The following CCDC91 variants were observed in gnomAD, a reference collection of about 807,000 sequenced individuals.
The protein encoded by CCDC91 is coiled-coil domain containing 91, also known as coiled-coil domain-containing protein 91.
CCDC91 carries 48 observed loss-of-function variants against 63.2 expected under a neutral mutation model. The ratio of observed to expected loss-of-function variants is 0.76; its 90% CI spans 0.60 to 0.97. CCDC91 has a LOEUF of 0.97. CCDC91 is among the 50% of genes least tolerant of loss of function. CCDC91 has a pLI of 0.00. For synonymous variants in CCDC91, 167 were observed against 165.8 expected, an observed-to-expected ratio of 1.01 and a Z score of -0.06; for missense variants, 500 against 494.6, an observed-to-expected ratio of 1.01 and a Z score of -0.10.
chr12:28,389,072 C>A (rs1288100833), intron 7 of CCDC91, among the ~76,000 whole-genome samples: 1 of 152,160 alleles, frequency 6.6e-6, no homozygotes, highest in African/African-American at 2.4e-5. Flanking sequence ...AGACGACCCA[C>A]AGAGTGGGAG....
At position 28,307,794 on chromosome 12, in the gene CCDC91, A is replaced by G. The variant is rs137877232; in HGVS notation, c.576+45A>G. On this transcript the variant is annotated intron_variant, in intron 6 of 12. Transcript: ENST00000536442. ...GATTTAAAATGTAAGCCTTTTGATG[A>G]AGCATGTGCTATAATTTCAAAAAGT... 2.0e-4 allele frequency: 192 copies of G among 978,896 alleles called. 3 individuals carry two copies. In the African/African-American group the frequency reaches 2.8e-3, roughly 14 times the overall value. 60.6% of individuals were successfully genotyped at this position (978,896 alleles called of 1,614,324 possible).
At position 28,305,684 on chromosome 12, in the gene CCDC91, A is replaced by G; in HGVS notation, c.145A>G (p.Ile49Val). The change falls in exon 4 of 13, where the codon ATT (isoleucine) becomes GTT (valine). Residue 49 changes from isoleucine (I) to valine (V), a missense_variant. Physicochemically the swap from Ile to Val is conservative, Grantham distance 29. Transcript: ENST00000536442. ...GVHLSPSSPE[I>V]VLDRDHSSSI... ...CCATCTTTCACCATCTTCTCCTGAG[A>G]TTGTACTGGACCGTGACCACTCTTC... 1 of 1,612,414 alleles carries G rather than the reference A, an allele frequency of 6.2e-7. No individual in the cohort carries two copies. The highest frequency in any genetic ancestry group is 8.5e-7 in the Non-Finnish European group (1 of 1,179,160).
intron 7 of CCDC91, among the ~76,000 whole-genome samples, chr12:28,364,565 G>C (rs1319369223): frequency 6.6e-6 from 1 of 152,174 alleles, no homozygotes; most frequent in African/African-American, 2.4e-5. Flanking sequence ...CCCTAACGCT[G>C]AGGGTGGGAG....
chr12:28,437,317 C>T (rs558059316), intron 8 of CCDC91, among the ~76,000 whole-genome samples: 4 of 151,662 alleles, frequency 2.6e-5, no homozygotes, highest in Non-Finnish European at 5.9e-5. Context: ...TACCATACTC[C>T]CTTGTTGTAC....
At chr12:28,332,393 C>G (rs2137708018) in intron 6 of CCDC91, among the ~76,000 whole-genome samples, 1 of 152,180 alleles carries the variant, frequency 6.6e-6, no homozygotes, top group South Asian at 2.1e-4. Context: ...GGAGGAGATT[C>G]AGAAAAGAGC....
At chr12:28,206,484 A>G (rs1942858865) in intron 1 of CCDC91, among the ~76,000 whole-genome samples, 1 of 152,210 alleles carries the variant, frequency 6.6e-6, no homozygotes, top group African/African-American at 2.4e-5. Context: ...TAGGGAGACT[A>G]TTATTATGAC....
chr12:28,451,545 TGATGA>T (rs1949803728), intron 10 of CCDC91, among the ~76,000 whole-genome samples: 1 of 151,670 alleles, frequency 6.6e-6, no homozygotes, highest in South Asian at 2.1e-4. Flanking sequence ...TGTATGTTCC[TGATGA>T]GATTTATGGT....
rs570080510 is a variant in CCDC91 at position 28,375,879 on chromosome 12, A to G, written c.654+13364A>G. Among the ~76,000 whole-genome samples, 3 of 151,978 alleles carry G rather than the reference A, an allele frequency of 2.0e-5. 1 individual carries two copies. The South Asian group carries it at 6.2e-4, about 32-fold the overall frequency. Reference sequence around the variant, plus strand: ...AAGATTACCATCTTATCTATTATGTAGAGTATCATATTTTTGAGATAATGA... The same window carrying G: ...AAGATTACCATCTTATCTATTATGTGGAGTATCATATTTTTGAGATAATGA... On this transcript the variant is annotated intron_variant, in intron 7 of 12. Transcript: ENST00000536442.
chr12:28,471,690 CATAAT>C (rs899791882), intron 11 of CCDC91, among the ~76,000 whole-genome samples: 2 of 151,876 alleles, frequency 1.3e-5, no homozygotes, highest in Admixed American at 1.3e-4. Flanking sequence ...GGCATTAACT[CATAAT>C]AATTATTTAC....
At chr12:28,328,882 A>T (rs1209669177) in intron 6 of CCDC91, among the ~76,000 whole-genome samples, 1 of 152,096 alleles carries the variant, frequency 6.6e-6, no homozygotes, top group Non-Finnish European at 1.5e-5. Context: ...AGTTTATTGA[A>T]TATAGATGCT....
intron 3 of CCDC91, among the ~76,000 whole-genome samples, chr12:28,293,052 CAAAG>C (rs2136835155): frequency 6.6e-6 from 1 of 151,720 alleles, no homozygotes; most frequent in South Asian, 2.1e-4. Flanking sequence ...AAATAACAGG[CAAAG>C]AAAAGAAAGA....
rs1374753063 is a variant in CCDC91, at chr12:28,198,221, T to G, written c.-15+7580T>G. On this transcript the variant is annotated intron_variant, in intron 1 of 12. Transcript: ENST00000536442. ...CCTGTGGTTAAAGAGTAGGTCTACATAGTCATTTTAAAAAGCTGCTTACAT... is the reference window on the plus strand; with the variant it reads ...CCTGTGGTTAAAGAGTAGGTCTACAGAGTCATTTTAAAAAGCTGCTTACAT... Among the ~76,000 whole-genome samples, 10 of 152,190 alleles carry G rather than the reference T, an allele frequency of 6.6e-5. No homozygotes were observed. In the East Asian group the frequency reaches 1.7e-3, roughly 26 times the overall value.
chr12:28,468,768 G>A (rs1484404768), intron 11 of CCDC91, among the ~76,000 whole-genome samples: 7 of 151,992 alleles, frequency 4.6e-5, no homozygotes, highest in Admixed American at 1.3e-4. Flanking sequence ...CCTTTGGGAT[G>A]CAAGGACGGT....
Position 28,394,023 on chromosome 12 carries a change from C to T in CCDC91, c.762+2612C>T, listed in dbSNP as rs548522399. ...TGATAAGAAACTTGTATTCTACAAGCTACAAAACATTGCTGAAAGAAATTT... is the reference window on the plus strand; with the variant it reads ...TGATAAGAAACTTGTATTCTACAAGTTACAAAACATTGCTGAAAGAAATTT... On this transcript the variant is annotated intron_variant, in intron 8 of 12. Coordinates refer to ENST00000536442, the MANE Select transcript of CCDC91 (RefSeq NM_018318.5). 6.6e-5 allele frequency among the ~76,000 whole-genome samples: 10 copies of T among 152,272 alleles called. No individual in the cohort carries two copies. In the South Asian group the frequency reaches 2.1e-3, roughly 32 times the overall value.
chr12:28,380,213 T>C (rs1945211548), intron 7 of CCDC91, among the ~76,000 whole-genome samples: 1 of 152,016 alleles, frequency 6.6e-6, no homozygotes, highest in Non-Finnish European at 1.5e-5. Context: ...TTAGGAGAAA[T>C]ACCTAATGTA....
intron 8 of CCDC91, among the ~76,000 whole-genome samples, chr12:28,402,827 C>G (rs1946721349): frequency 6.6e-6 from 1 of 151,984 alleles, no homozygotes; most frequent in Non-Finnish European, 1.5e-5. Context: ...TCTTCTACTC[C>G]TAGTTTGCTG....
At chr12:28,522,554 T>G (rs112140775) in intron 12 of CCDC91, among the ~76,000 whole-genome samples, 4 of 152,298 alleles carry the variant, frequency 2.6e-5, no homozygotes, top group African/African-American at 9.6e-5. Context: ...TTTGAAGGGT[T>G]TTCTGTGTCT....
At chr12:28,314,084 G>A (rs190268671) in intron 6 of CCDC91, among the ~76,000 whole-genome samples, 8 of 151,940 alleles carry the variant, frequency 5.3e-5, no homozygotes, top group African/African-American at 1.9e-4. Flanking sequence ...AATTTTTTGT[G>A]TAAACTTTTT....
intron 6 of CCDC91, chr12:28,319,282 A>G (rs1193651662): frequency 6.6e-6 from 1 of 152,000 alleles, no homozygotes. Context: ...TAGCATCATT[A>G]AACAGATTTG....
Sources: allele counts gnomAD v4.1 joint callset (sites outside exome capture counted in the v4.1 genomes callset), GRCh38; gene constraint gnomAD v4.1.1; transcripts MANE v1.5; gene names NCBI Gene and HGNC (gene_info 2026-07-23, HGNC 2026-07-21).